Variants in SPATA6 observed in about 807,000 individuals in gnomAD.
The protein encoded by SPATA6 is spermatogenesis-associated protein 6.
Under a neutral mutation model 65.3 loss-of-function variants are expected in SPATA6, and 56 were observed. The observed-to-expected ratio is 0.86, with a 90% confidence interval of 0.69 to 1.07. SPATA6 has a LOEUF of 1.07. Among genes scored for constraint, SPATA6 ranks in the 50% least tolerant of loss-of-function variants. The pLI is 0.00. For synonymous variants in SPATA6, 199 were observed against 213.2 expected (o/e 0.93, Z 0.58); for missense variants, 590 against 594.8 (o/e 0.99, Z 0.08).
chr1:48,435,093 G>T (rs1373199625), intron 3 of SPATA6, among the ~76,000 whole-genome samples: 1 of 151,956 alleles, frequency 6.6e-6, no homozygotes, highest in Non-Finnish European at 1.5e-5. Context: ...GGCATATAGG[G>T]TATGAAATAG....
At chr1:48,467,705 T>C (rs535780123) in intron 1 of SPATA6, among the ~76,000 whole-genome samples, 2 of 152,066 alleles carry the variant, frequency 1.3e-5, no homozygotes, top group South Asian at 2.1e-4. Flanking sequence ...CCAAACTCAA[T>C]AGCAAGAAAA....
At chr1:48,309,883 G>A (rs1246629740) in intron 11 of SPATA6, among the ~76,000 whole-genome samples, 1 of 152,148 alleles carries the variant, frequency 6.6e-6, no homozygotes, top group African/African-American at 2.4e-5. Context: ...TCTGTATGTT[G>A]AGAGTACACT....
chr1:48,277,280 A>G, the SPATA6 span, among the ~76,000 whole-genome samples: 2 of 152,078 alleles, frequency 1.3e-5, no homozygotes, highest in Non-Finnish European at 2.9e-5. Flanking sequence ...CTGCATTTCC[A>G]TCTGAGGTAC....
chr1:48,340,286 C>T (rs149144624), intron 11 of SPATA6, among the ~76,000 whole-genome samples: 25 of 114,836 alleles, frequency 2.2e-4, no homozygotes, highest in African/African-American at 8.3e-4. Flanking sequence ...GAGAATTTTC[C>T]ATGCAAATGA....
chr1:48,329,013 T>C (rs917275277), intron 11 of SPATA6, among the ~76,000 whole-genome samples: 1 of 152,170 alleles, frequency 6.6e-6, no homozygotes, highest in Admixed American at 6.5e-5. Flanking sequence ...TCTTAACAAG[T>C]ACATACAGAA....
At chr1:48,317,604 C>T (rs1020057909) in intron 11 of SPATA6, among the ~76,000 whole-genome samples, 5 of 151,920 alleles carry the variant, frequency 3.3e-5, no homozygotes, top group African/African-American at 1.2e-4. Flanking sequence ...GTGCAGCACA[C>T]CAACATAGCA....
intron 8 of SPATA6, among the ~76,000 whole-genome samples, 168 bp downstream of exon 8, chr1:48,395,099 A>G (rs955248643): frequency 6.6e-6 from 1 of 152,048 alleles, no homozygotes; most frequent in Non-Finnish European, 1.5e-5. Context: ...CTTAGAGAGT[A>G]TATAGTTACT....
At chr1:48,374,312 A>T (rs972473584) in intron 9 of SPATA6, among the ~76,000 whole-genome samples, 5 of 127,854 alleles carry the variant, frequency 3.9e-5, no homozygotes, top group African/African-American at 9.6e-5. Context: ...GTAATTTTAT[A>T]AAAAAAAAAA....
chr1:48,284,043 C>A, the SPATA6 span, among the ~76,000 whole-genome samples: 5 of 152,030 alleles, frequency 3.3e-5, no homozygotes, highest in African/African-American at 1.2e-4. Flanking sequence ...TGGTTCCATT[C>A]TCCCTGTCAC....
chr1:48,379,893 T>C (rs1211090487), intron 9 of SPATA6, among the ~76,000 whole-genome samples: 1 of 152,206 alleles, frequency 6.6e-6, no homozygotes, highest in Non-Finnish European at 1.5e-5. Flanking sequence ...TCATATGCTT[T>C]ACGTGTATGA....
At chr1:48,289,272 C>A in the SPATA6 span, among the ~76,000 whole-genome samples, 74 of 152,226 alleles carry the variant, frequency 4.9e-4, 2 homozygotes, top group Admixed American at 4.6e-3. Flanking sequence ...AACAGACCTG[C>A]AGCTGAGGGT....
intron 6 of SPATA6, chr1:48,400,686 A>T: frequency 1.1e-6 from 1 of 913,402 alleles, no homozygotes; most frequent in Non-Finnish European, 1.5e-6. Context: ...CAAATTTTTT[A>T]AGTGGATACA....
rs534077087 is a variant in SPATA6, at chr1:48,315,095, C to T, written c.1195-9217G>A. On this transcript the variant is annotated intron_variant, in intron 11 of 12. Coordinates refer to ENST00000371847, the MANE Select transcript of SPATA6 (RefSeq NM_019073.4). ...AGCCCAGGACCAGACGGATTCACAGCCGAATTCTACCAGAGGTACAAGGAG... is the reference window on the plus strand; with the variant it reads ...AGCCCAGGACCAGACGGATTCACAGTCGAATTCTACCAGAGGTACAAGGAG... 2.6e-5 allele frequency among the ~76,000 whole-genome samples: 4 copies of T among 152,260 alleles called. No homozygotes were observed. The East Asian group carries it at 7.7e-4, about 29-fold the overall frequency.
At chr1:48,436,618 G>A in intron 3 of SPATA6, 1 of 1,613,930 alleles carries the variant, frequency 6.2e-7, no homozygotes, top group South Asian at 1.1e-5. Flanking sequence ...GAGGCATAGG[G>A]CTGTGTATGA....
rs377673514 is a variant in SPATA6 at position 48,439,800 on chromosome 1, G to A, written c.238+11752C>T. Among the ~76,000 whole-genome samples the A allele has an allele frequency of 2.0e-4, 30 of 152,222 alleles. 1 individual carries two copies. The highest frequency in any genetic ancestry group is 7.7e-4 in the East Asian group (4 of 5,170). The stretch of plus-strand genomic sequence containing the variant: ...TAAGCCACTGGGACCAATTTGACCC[G>A]CAAACCCTGAAAAAGCAGCAGCTTA... On this transcript the variant is annotated intron_variant, in intron 3 of 12. Coordinates refer to ENST00000371847, the MANE Select transcript of SPATA6 (RefSeq NM_019073.4).
chr1:48,410,957 A>C (rs1487328487), intron 5 of SPATA6, among the ~76,000 whole-genome samples: 1 of 152,216 alleles, frequency 6.6e-6, no homozygotes, highest in Non-Finnish European at 1.5e-5. Context: ...CTTTTATCAG[A>C]TTTATTAAAT....
In SPATA6 at chr1:48,395,259, T is replaced by A; in HGVS notation, c.868+8A>T. The A allele has an allele frequency of 6.5e-7, 1 of 1,536,386 alleles. No homozygotes were observed. The highest frequency in any genetic ancestry group is 1.4e-5 in the African/African-American group (1 of 71,552). ...TACAGCAATGAATAAAGACAACTTCTAGCTTACCATTGTGCACCCTTGACC... is the reference window on the plus strand; with the variant it reads ...TACAGCAATGAATAAAGACAACTTCAAGCTTACCATTGTGCACCCTTGACC... On this transcript the variant is annotated splice_region_variant and intron_variant, in intron 8 of 12. Transcript: ENST00000371847.
At chr1:48,386,956 T>A (rs1649538374) in intron 8 of SPATA6, among the ~76,000 whole-genome samples, 1 of 152,146 alleles carries the variant, frequency 6.6e-6, no homozygotes, top group Admixed American at 6.5e-5. Context: ...GCTGTATTAG[T>A]CCATTTTTAC....
At chr1:48,355,845 C>G in intron 10 of SPATA6, 76 bp from the exon 11 acceptor site, 1 of 1,129,686 alleles carries the variant, frequency 8.9e-7, no homozygotes, top group Non-Finnish European at 1.3e-6. Context: ...CAAGTTTTCA[C>G]AGTATGTTCA....
Sources: gnomAD v4.1 joint callset for allele counts (sites outside exome capture counted in the v4.1 genomes callset) on GRCh38, gnomAD v4.1.1 for gene constraint, MANE v1.5 for transcripts, NCBI Gene and HGNC (gene_info 2026-07-23, HGNC 2026-07-21) for gene names.